Variants in FAAH2 observed in about 807,000 individuals in gnomAD.
FAAH2 encodes fatty-acid amide hydrolase 2.
Under a neutral mutation model 36.9 loss-of-function variants are expected in FAAH2, and 60 were observed. The ratio of observed to expected loss-of-function variants is 1.63; its 90% CI spans 1.32 to 2.02. FAAH2 has a LOEUF of 2.02. Among genes scored for constraint, FAAH2 ranks in the 30% most tolerant of loss-of-function variants. FAAH2 has a pLI of 0.00. For synonymous variants in FAAH2, 214 were observed against 143.8 expected, an observed-to-expected ratio of 1.49 and a Z score of -3.49; for missense variants, 689 against 397.5, an observed-to-expected ratio of 1.73 and a Z score of -6.23.
intron 2 of FAAH2, among the ~76,000 whole-genome samples, chrX:57,307,966 G>A (rs915610899): frequency 4.6e-5 from 5 of 109,783 alleles, no homozygotes; most frequent in African/African-American, 1.7e-4. Context: ...TGCTGCAAAG[G>A]ACATGATTTC....
chrX:57,216,935 T>C, the FAAH2 span, among the ~76,000 whole-genome samples: 4 of 108,592 alleles, frequency 3.7e-5, no homozygotes, highest in Admixed American at 4.0e-4. Flanking sequence ...TACACCAACA[T>C]CTACTGTTTT....
At chrX:57,335,048 T>G (rs762946475) in intron 4 of FAAH2, among the ~76,000 whole-genome samples, 3 of 111,968 alleles carry the variant, frequency 2.7e-5, no homozygotes, top group Non-Finnish European at 5.6e-5. Context: ...AGAAAACACA[T>G]TCTTTTCATC....
At chrX:57,458,602 G>T (rs1372002483) in intron 10 of FAAH2, among the ~76,000 whole-genome samples, 1 of 112,161 alleles carries the variant, frequency 8.9e-6, no homozygotes, top group African/African-American at 3.2e-5. Context: ...ACGCAGAAGG[G>T]GAGTGACTTC....
intron 4 of FAAH2, among the ~76,000 whole-genome samples, chrX:57,333,668 G>A (rs1295409532): frequency 9.1e-6 from 1 of 110,274 alleles, no homozygotes; most frequent in African/African-American, 3.3e-5. Flanking sequence ...TACAAAACAG[G>A]AAACCTTCGG....
chrX:57,179,641 G>T, the FAAH2 span, among the ~76,000 whole-genome samples: 1 of 111,683 alleles, frequency 9.0e-6, no homozygotes, highest in Non-Finnish European at 1.9e-5. Context: ...GACCATCAAA[G>T]AAAGTTAAAA....
intron 8 of FAAH2, among the ~76,000 whole-genome samples, chrX:57,442,185 A>T (rs1449075021): frequency 3.6e-5 from 4 of 110,765 alleles, no homozygotes; most frequent in African/African-American, 1.3e-4. Context: ...TGTCTCACTG[A>T]TCTGTCTAAT....
chrX:57,281,487 A>G, the FAAH2 span, among the ~76,000 whole-genome samples: 1 of 112,203 alleles, frequency 8.9e-6, no homozygotes, highest in South Asian at 3.7e-4. Context: ...AATTTGATTT[A>G]CATAGTTGTA....
At chrX:57,458,478 G>A (rs1186446655) in intron 10 of FAAH2, among the ~76,000 whole-genome samples, 2 of 110,450 alleles carry the variant, frequency 1.8e-5, no homozygotes, top group Admixed American at 9.6e-5. Flanking sequence ...GGGTGACAGA[G>A]CAAGACTCCA....
At chrX:57,336,522 C>T (rs1161001782) in intron 4 of FAAH2, among the ~76,000 whole-genome samples, 1 of 111,579 alleles carries the variant, frequency 9.0e-6, no homozygotes, top group Non-Finnish European at 1.9e-5. Flanking sequence ...ACAATCTGAT[C>T]TCTCTTTCTT....
At position 57,286,765 on chromosome X, in the gene FAAH2, G is replaced by A. The variant is rs1013213994; in HGVS notation, c.-61G>A. ...TCCCTCTTTGCTTAGTACTTTTCTC[G>A]TCCTTTCCCCAGGGTGCACGTAACC... On this transcript the variant is annotated 5_prime_UTR_variant, in exon 1 of 11. Coordinates refer to ENST00000374900, the MANE Select transcript of FAAH2 (RefSeq NM_174912.4). 2 of 1,013,529 alleles carry A rather than the reference G, an allele frequency of 2.0e-6. No individual in the cohort carries two copies. The highest frequency in any genetic ancestry group is 2.6e-6 in the Non-Finnish European group (2 of 783,279). The allele number at this position is 1,013,529 out of a possible 1,213,427, so 83.5% of individuals were successfully genotyped here.
At chrX:57,191,128 C>G in the FAAH2 span, among the ~76,000 whole-genome samples, 2 of 111,734 alleles carry the variant, frequency 1.8e-5, no homozygotes, top group East Asian at 2.8e-4. Context: ...TCTCTCTTCT[C>G]TCCACATTCT....
the FAAH2 span, among the ~76,000 whole-genome samples, chrX:57,259,701 G>T: frequency 8.9e-6 from 1 of 111,868 alleles, no homozygotes; most frequent in African/African-American, 3.2e-5. Context: ...CCCCCATATA[G>T]GTAACTATGT....
chrX:57,146,122 T>G, the FAAH2 span, among the ~76,000 whole-genome samples: 1 of 110,402 alleles, frequency 9.1e-6, no homozygotes, highest in Non-Finnish European at 1.9e-5. Flanking sequence ...GTCATTTTGA[T>G]GAGAATTGCA....
intron 7 of FAAH2, among the ~76,000 whole-genome samples, chrX:57,424,463 A>T (rs1291007785): frequency 8.9e-6 from 1 of 112,059 alleles, no homozygotes; most frequent in East Asian, 2.8e-4. Context: ...AAATCAGCTG[A>T]CACAAGCTTG....
chrX:57,238,506 T>C, the FAAH2 span, among the ~76,000 whole-genome samples: 4 of 110,435 alleles, frequency 3.6e-5, no homozygotes, highest in Non-Finnish European at 7.6e-5. Context: ...GGGGAGAGGA[T>C]CAGGAAAAAT....
chrX:57,305,765 A>C lies in FAAH2; in HGVS notation c.276-4828A>C, dbSNP rs140856466. ...CTCCACTTGGGTATTTTTGCCATTCATCTGAAGGGTCCCTTCTAGTTCAGT... is the reference window on the plus strand; with the variant it reads ...CTCCACTTGGGTATTTTTGCCATTCCTCTGAAGGGTCCCTTCTAGTTCAGT... On this transcript the variant is annotated intron_variant, in intron 2 of 10. Coordinates refer to ENST00000374900, the MANE Select transcript of FAAH2 (RefSeq NM_174912.4). Among the ~76,000 whole-genome samples the C allele has an allele frequency of 7.1e-4, 79 of 111,341 alleles. 1 individual carries two copies. The East Asian group carries it at 0.021, about 29-fold the overall frequency.
the FAAH2 span, among the ~76,000 whole-genome samples, chrX:57,162,711 T>G: frequency 8.9e-6 from 1 of 112,309 alleles, no homozygotes; most frequent in Non-Finnish European, 1.9e-5. Context: ...TTCAGCTCCA[T>G]CAGCTCCTTT....
At chrX:57,443,413 T>G (rs924602181) in intron 8 of FAAH2, among the ~76,000 whole-genome samples, 1 of 112,329 alleles carries the variant, frequency 8.9e-6, no homozygotes, top group Non-Finnish European at 1.9e-5. Context: ...CTACTGAAGG[T>G]TGTGCATTCA....
intron 8 of FAAH2, among the ~76,000 whole-genome samples, chrX:57,440,861 A>C (rs768466972): frequency 2.1e-4 from 23 of 111,484 alleles, no homozygotes; most frequent in Non-Finnish European, 3.4e-4. Flanking sequence ...TGAGATAATC[A>C]TGTGTTTTTT....
Sources: gnomAD v4.1 joint callset for allele counts (sites outside exome capture counted in the v4.1 genomes callset) on GRCh38, gnomAD v4.1.1 for gene constraint, MANE v1.5 for transcripts, NCBI Gene and HGNC (gene_info 2026-07-23, HGNC 2026-07-21) for gene names.